Variants in IQSEC1 observed in about 807,000 individuals in gnomAD.
IQSEC1 encodes the protein IQ motif and Sec7 domain ArfGEF 1, also known as IQ motif and SEC7 domain-containing protein 1.
A neutral mutation model predicts 91.0 loss-of-function variants in IQSEC1; 31 were observed. That is an observed-to-expected ratio of 0.34 (90% confidence interval 0.26 to 0.46). The LOEUF (loss-of-function observed/expected upper bound fraction) is 0.46. Among genes scored for constraint, IQSEC1 ranks in the 20% least tolerant of loss-of-function variants. The probability of loss-of-function intolerance (pLI) is 1.00; values close to 1 mark genes in which losing one functional copy is unlikely to be tolerated. For synonymous variants in IQSEC1, 699 were observed against 662.6 expected (o/e 1.05, Z -0.84); for missense variants, 1,388 against 1,575.6 (o/e 0.88, Z 2.02).
chr3:12,954,345 C>G (rs572843857), intron 1 of IQSEC1, among the ~76,000 whole-genome samples: 18 of 152,354 alleles, frequency 1.2e-4, no homozygotes, highest in Middle Eastern at 3.4e-3. Flanking sequence ...CTCCCTCCCC[C>G]CTCACAGCTT....
chr3:13,106,529 C>T (rs1449122163), intron 2 of IQSEC1, among the ~76,000 whole-genome samples: 3 of 152,190 alleles, frequency 2.0e-5, no homozygotes, highest in African/African-American at 7.2e-5. Flanking sequence ...AAGTGACATG[C>T]CCCGAATCAC....
At chr3:13,170,999 C>T (rs1693596542) in intron 1 of IQSEC1, among the ~76,000 whole-genome samples, 2 of 152,038 alleles carry the variant, frequency 1.3e-5, no homozygotes, top group Admixed American at 6.5e-5. Flanking sequence ...ACTTGGGAGG[C>T]TGAGGCAGGA....
At chr3:12,995,741 C>G (rs1157071757) in intron 1 of IQSEC1, among the ~76,000 whole-genome samples, 2 of 152,244 alleles carry the variant, frequency 1.3e-5, no homozygotes, top group Non-Finnish European at 2.9e-5. Context: ...CTTCCTGCCT[C>G]GTGGCAAGAG....
chr3:13,146,278 C>T (rs764328140), intron 2 of IQSEC1, among the ~76,000 whole-genome samples: 8 of 152,126 alleles, frequency 5.3e-5, no homozygotes, highest in Non-Finnish European at 8.8e-5. Context: ...TGAGCCACCG[C>T]GTCTGGCCAG....
chr3:13,132,179 C>G (rs146308019), intron 2 of IQSEC1, among the ~76,000 whole-genome samples: 2 of 152,186 alleles, frequency 1.3e-5, no homozygotes, highest in Non-Finnish European at 2.9e-5. Context: ...ACTATCTGAT[C>G]CTTAGCGGCT....
intron 1 of IQSEC1, among the ~76,000 whole-genome samples, chr3:13,033,526 T>C (rs1703925633): frequency 6.6e-6 from 1 of 152,046 alleles, no homozygotes; most frequent in Admixed American, 6.6e-5. Flanking sequence ...TGTATATGTA[T>C]ATATATACAT....
chr3:13,171,854 T>A (rs1019766595), intron 1 of IQSEC1, among the ~76,000 whole-genome samples: 18 of 152,194 alleles, frequency 1.2e-4, no homozygotes, highest in African/African-American at 4.1e-4. Context: ...TGTGAGAGGC[T>A]CCCCGACTGG....
At chr3:12,918,936 A>AC (rs1473382939) in intron 6 of IQSEC1, among the ~76,000 whole-genome samples, 1 of 152,114 alleles carries the variant, frequency 6.6e-6, no homozygotes, top group Non-Finnish European at 1.5e-5. Flanking sequence ...CAAATCAGAG[A>AC]CCCTCAAACT....
intron 1 of IQSEC1, among the ~76,000 whole-genome samples, chr3:12,948,900 G>T (rs1436154108): frequency 1.3e-5 from 2 of 152,158 alleles, no homozygotes; most frequent in African/African-American, 4.8e-5. Flanking sequence ...CTTACGGAGA[G>T]GGCAAACACA....
At chr3:12,919,603 C>CT (rs1174665631) in intron 6 of IQSEC1, among the ~76,000 whole-genome samples, 1 of 152,244 alleles carries the variant, frequency 6.6e-6, no homozygotes, top group East Asian at 1.9e-4. Context: ...TCCACACGCT[C>CT]TTAGAGCCAG....
chr3:12,922,272 G>A lies in IQSEC1; in HGVS notation c.1731-30C>T. The A allele has an allele frequency of 4.6e-6, 7 of 1,524,670 alleles. No homozygotes were observed. Among genetic ancestry groups the A allele is most frequent in the Non-Finnish European group, 6.2e-6 (7 of 1,124,186 alleles). 94.4% of individuals were successfully genotyped at this position (1,524,670 alleles called of 1,614,324 possible). On this transcript the variant is annotated intron_variant, in intron 4 of 13. Coordinates refer to ENST00000613206, the MANE Select transcript of IQSEC1 (RefSeq NM_001134382.3). This position sits in a 1 kb window ranked among gnomAD's most constrained non-coding sequence, Gnocchi z 5.1. ...AATAGAGACAGACAGCCCCGCATAAGCACCCCTTGCAGGTGCGACACGCCC... is the reference window on the plus strand; with the variant it reads ...AATAGAGACAGACAGCCCCGCATAAACACCCCTTGCAGGTGCGACACGCCC...
intron 2 of IQSEC1, among the ~76,000 whole-genome samples, chr3:13,119,063 G>C (rs914673363): frequency 1.2e-4 from 18 of 151,088 alleles, no homozygotes; most frequent in African/African-American, 3.9e-4. Context: ...AACAGAGCAA[G>C]ACTCTGTCTC....
intron 1 of IQSEC1, among the ~76,000 whole-genome samples, chr3:13,069,103 T>C (rs570115430): frequency 1.3e-5 from 2 of 152,378 alleles, no homozygotes; most frequent in East Asian, 1.9e-4. Flanking sequence ...AAAGGGTGGA[T>C]AGATGCTACA....
At chr3:12,928,787 T>C (rs1697384705) in intron 3 of IQSEC1, among the ~76,000 whole-genome samples, 1 of 152,118 alleles carries the variant, frequency 6.6e-6, no homozygotes, top group Admixed American at 6.5e-5. Context: ...CCTCCTCTCC[T>C]GGCAGGACTT....
intron 10 of IQSEC1, among the ~76,000 whole-genome samples, chr3:12,910,914 G>A (rs1413271087): frequency 6.6e-6 from 1 of 152,188 alleles, no homozygotes; most frequent in Non-Finnish European, 1.5e-5. Context: ...CAGCCCAGGA[G>A]GACTGGCTCA....
chr3:13,235,492 G>A (rs1192720176), intron 1 of IQSEC1, among the ~76,000 whole-genome samples: 1 of 152,278 alleles, frequency 6.6e-6, no homozygotes, highest in East Asian at 1.9e-4. Flanking sequence ...AAAATCCCTG[G>A]TGCTGAGCTG....
chr3:13,175,969 C>G lies in IQSEC1; in HGVS notation c.273-11836G>C, dbSNP rs141619816. Among the ~76,000 whole-genome samples the G allele has an allele frequency of 9.2e-3, 1,396 of 152,348 alleles. 4 individuals carry two copies. The highest frequency in any genetic ancestry group is 0.015 in the Non-Finnish European group (1,021 of 68,036). On this transcript the variant is annotated intron_variant, in intron 1 of 15. Coordinates refer to the IQSEC1 transcript ENST00000648114. ...GCAATTTACGAATGCTGGGGGCACA[C>G]AAGCACCCAGACACTTCTGATGAGC...
intron 1 of IQSEC1, among the ~76,000 whole-genome samples, chr3:13,194,750 C>G (rs527358672): frequency 6.6e-6 from 1 of 152,102 alleles, no homozygotes; most frequent in African/African-American, 2.4e-5. Flanking sequence ...AGACCTGACC[C>G]GCAGAACAAA....
chr3:13,003,723 C>CA (rs2124851669), intron 1 of IQSEC1, among the ~76,000 whole-genome samples: 1 of 152,296 alleles, frequency 6.6e-6, no homozygotes, highest in South Asian at 2.1e-4. Context: ...ATTACTGGGA[C>CA]AACAGGCGAA....
Sources: allele counts gnomAD v4.1 joint callset (sites outside exome capture counted in the v4.1 genomes callset), GRCh38; gene constraint gnomAD v4.1.1; non-coding constraint Gnocchi (gnomAD v3.1); transcripts MANE v1.5; gene names NCBI Gene and HGNC (gene_info 2026-07-23, HGNC 2026-07-21).